The following ATP8A2 variants were observed in gnomAD, a reference collection of about 807,000 sequenced individuals.
The protein encoded by ATP8A2 is ATPase phospholipid transporting 8A2.
In ATP8A2, 100 loss-of-function variants were observed where a neutral mutation model predicts 165.6. The observed-to-expected ratio is 0.60, with a 90% CI of 0.51 to 0.71. The LOEUF (loss-of-function observed/expected upper bound fraction) is 0.71. ATP8A2 is among the 30% of genes least tolerant of loss of function. The pLI, the probability that ATP8A2 is intolerant of heterozygous loss-of-function variation, is 0.00. For missense variants in ATP8A2, 1,227 were observed against 1,479.5 expected, an observed-to-expected ratio of 0.83 and a Z score of 2.80; for synonymous variants, 543 against 548.8, an observed-to-expected ratio of 0.99 and a Z score of 0.15.
At chr13:25,458,102 G>A (rs935993322) in intron 1 of ATP8A2, among the ~76,000 whole-genome samples, 3 of 152,142 alleles carry the variant, frequency 2.0e-5, no homozygotes, top group African/African-American at 4.8e-5. Flanking sequence ...GTTGACTTCC[G>A]TCTGCTTGGA....
At chr13:25,985,140 G>A (rs371194133) in intron 35 of ATP8A2, among the ~76,000 whole-genome samples, 14 of 152,220 alleles carry the variant, frequency 9.2e-5, no homozygotes, top group Non-Finnish European at 2.1e-4. Context: ...TGCGGAGAAC[G>A]TGGTTTGTCA....
intron 24 of ATP8A2, among the ~76,000 whole-genome samples, chr13:25,681,329 T>A (rs1013540206): frequency 1.3e-5 from 2 of 152,212 alleles, no homozygotes; most frequent in African/African-American, 4.8e-5. Flanking sequence ...GAAAGTGATT[T>A]TGGGATTAAT....
chr13:25,963,593 A>G (rs1200573550), intron 34 of ATP8A2, among the ~76,000 whole-genome samples: 1 of 152,220 alleles, frequency 6.6e-6, no homozygotes, highest in Non-Finnish European at 1.5e-5. Context: ...TTCTATTTAT[A>G]GTGATTGAAA....
At chr13:26,012,202 G>A (rs1956863712) in intron 35 of ATP8A2, among the ~76,000 whole-genome samples, 1 of 152,170 alleles carries the variant, frequency 6.6e-6, no homozygotes. Context: ...AGTGAGGCGC[G>A]GAGATGTTTA....
At chr13:25,704,696 A>G (rs966442293) in intron 25 of ATP8A2, among the ~76,000 whole-genome samples, 1 of 152,156 alleles carries the variant, frequency 6.6e-6, no homozygotes, top group Non-Finnish European at 1.5e-5. Context: ...AGATTAAACC[A>G]TATAAGCACA....
intron 1 of ATP8A2, among the ~76,000 whole-genome samples, chr13:25,450,947 T>C (rs1404541729): frequency 6.6e-6 from 1 of 152,108 alleles, no homozygotes; most frequent in African/African-American, 2.4e-5. Context: ...AAAAATATTT[T>C]GTTTGGTGAT....
At chr13:26,007,938 T>C (rs1239658569) in intron 35 of ATP8A2, among the ~76,000 whole-genome samples, 1 of 152,110 alleles carries the variant, frequency 6.6e-6, no homozygotes, top group African/African-American at 2.4e-5. Context: ...TCTCCTTAGA[T>C]TGACAGAGAA....
At chr13:25,722,937 A>G (rs2043412791) in intron 25 of ATP8A2, among the ~76,000 whole-genome samples, 3 of 152,192 alleles carry the variant, frequency 2.0e-5, no homozygotes, top group Admixed American at 2.0e-4. Context: ...ATTGTAGTCT[A>G]TTATTTTCTG....
At chr13:25,947,916 G>T (rs993237635) in intron 33 of ATP8A2, among the ~76,000 whole-genome samples, 1 of 152,154 alleles carries the variant, frequency 6.6e-6, no homozygotes, top group African/African-American at 2.4e-5. Context: ...GATAAGAGCA[G>T]ATAAGAGAAC....
chr13:25,703,019 A>G (rs2042982641), intron 25 of ATP8A2, among the ~76,000 whole-genome samples: 2 of 152,134 alleles, frequency 1.3e-5, no homozygotes, highest in Non-Finnish European at 2.9e-5. Flanking sequence ...CATCTTATAC[A>G]TTAGTGACTT....
chr13:25,427,175 G>T (rs191594420), intron 1 of ATP8A2, among the ~76,000 whole-genome samples: 3 of 152,200 alleles, frequency 2.0e-5, no homozygotes, highest in African/African-American at 7.2e-5. Context: ...ATTTACAGCC[G>T]CTCCCCATAG....
chr13:25,588,429 C>G lies in ATP8A2; in HGVS notation c.2147-1206C>G, dbSNP rs887453069. ...GCTAGTAGGTCTGAGCACATAAATG[C>G]AGCAGTTCTGCTCCTTGTCCCTTAG... is the stretch of plus-strand genomic sequence containing the variant. On this transcript the variant is annotated intron_variant, in intron 23 of 36. Coordinates refer to ENST00000381655, the MANE Select transcript of ATP8A2 (RefSeq NM_016529.6). 5.3e-5 allele frequency among the ~76,000 whole-genome samples: 8 copies of G among 152,274 alleles called. 1 individual carries two copies. Among genetic ancestry groups the G allele is most frequent in the African/African-American group, 1.9e-4 (8 of 41,554 alleles).
At chr13:25,545,224 T>A (rs1374560827) in intron 10 of ATP8A2, among the ~76,000 whole-genome samples, 1 of 151,744 alleles carries the variant, frequency 6.6e-6, no homozygotes, top group Non-Finnish European at 1.5e-5. Flanking sequence ...GCTAGAAAAA[T>A]GAAGAGTTGG....
chr13:25,445,715 G>A (rs1459940989), intron 1 of ATP8A2, among the ~76,000 whole-genome samples: 1 of 152,176 alleles, frequency 6.6e-6, no homozygotes, highest in East Asian at 1.9e-4. Flanking sequence ...TGTAGATGGT[G>A]GTAGATGGTG....
intron 33 of ATP8A2, among the ~76,000 whole-genome samples, chr13:25,958,300 T>TAA (rs569312403): frequency 3.2e-5 from 4 of 126,254 alleles, no homozygotes; most frequent in Non-Finnish European, 3.7e-5. Context: ...AAGGTATAAT[T>TAA]TAAAAAAAAA....
At chr13:25,831,918 T>A (rs909145659) in intron 28 of ATP8A2, among the ~76,000 whole-genome samples, 3 of 125,792 alleles carry the variant, frequency 2.4e-5, no homozygotes, top group Non-Finnish European at 4.9e-5. Context: ...ATTTTCATTA[T>A]ATCCATAGTC....
intron 18 of ATP8A2, 29 bp from the exon 19 acceptor site, chr13:25,574,779 C>T (rs751967286): frequency 4.3e-6 from 6 of 1,386,632 alleles, no homozygotes; most frequent in Middle Eastern, 3.5e-4. Flanking sequence ...CTTTGCACCT[C>T]GGTTAAGAGC....
intron 27 of ATP8A2, among the ~76,000 whole-genome samples, chr13:25,784,730 A>C (rs906791463): frequency 2.6e-5 from 4 of 152,100 alleles, no homozygotes; most frequent in Admixed American, 2.6e-4. Context: ...TTTCATGCAG[A>C]GAACTATACC....
At chr13:25,982,802 T>C (rs762768434) in intron 35 of ATP8A2, among the ~76,000 whole-genome samples, 2 of 152,230 alleles carry the variant, frequency 1.3e-5, no homozygotes, top group Non-Finnish European at 2.9e-5. Flanking sequence ...CACCATTTGA[T>C]TCCAGATAAA....
Sources: gnomAD v4.1 joint callset for allele counts (sites outside exome capture counted in the v4.1 genomes callset) on GRCh38, gnomAD v4.1.1 for gene constraint, MANE v1.5 for transcripts, NCBI Gene and HGNC (gene_info 2026-07-23, HGNC 2026-07-21) for gene names.